Variants in TMEM272 observed in about 807,000 individuals in gnomAD.
TMEM272 encodes the protein long intergenic non-protein coding RNA 282.
A neutral mutation model predicts 3.7 loss-of-function variants in TMEM272; 8 were observed. The observed-to-expected ratio is 2.17, with a 90% CI of 1.27 to 3.91. TMEM272 has a LOEUF of 3.91. Ranked by LOEUF, TMEM272 falls within the 30% of genes most tolerant of loss-of-function variation. TMEM272 has a pLI of 0.00. For synonymous variants in TMEM272, 63 were observed against 39.8 expected, an observed-to-expected ratio of 1.58 and a Z score of -2.20; for missense variants, 166 against 91.5, an observed-to-expected ratio of 1.81 and a Z score of -3.32.
At chr13:51,897,230 T>A in the TMEM272 span, among the ~76,000 whole-genome samples, 1 of 152,172 alleles carries the variant, frequency 6.6e-6, no homozygotes, top group South Asian at 2.1e-4. Flanking sequence ...GTCTTTTTTT[T>A]ATTTTTTGGA....
the TMEM272 span, among the ~76,000 whole-genome samples, chr13:51,869,518 C>T: frequency 1.3e-4 from 19 of 144,690 alleles, no homozygotes; most frequent in South Asian, 4.1e-3. Flanking sequence ...GAGATGGAGT[C>T]TCGCCCTGTC....
the TMEM272 span, chr13:51,865,720 C>T: frequency 1.9e-6 from 3 of 1,614,064 alleles, no homozygotes; most frequent in Non-Finnish European, 2.5e-6. Context: ...AAAAGTCTTT[C>T]AGGGAGGAAG....
the TMEM272 span, among the ~76,000 whole-genome samples, chr13:51,870,510 T>G: frequency 9.5e-5 from 5 of 52,366 alleles, no homozygotes; most frequent in African/African-American, 4.2e-4. Context: ...AGCAAATGCA[T>G]GCACTGGCTT....
At chr13:51,909,298 T>C in the TMEM272 span, 1 of 957,712 alleles carries the variant, frequency 1.0e-6, no homozygotes, top group Non-Finnish European at 1.7e-6. Flanking sequence ...AAAAGAATAG[T>C]TCTCTCAAGT....
chr13:51,900,105 C>T, the TMEM272 span, among the ~76,000 whole-genome samples: 2 of 152,024 alleles, frequency 1.3e-5, no homozygotes, highest in African/African-American at 4.8e-5. Flanking sequence ...GTTTCTTAGA[C>T]ACTGAAATCA....
the TMEM272 span, among the ~76,000 whole-genome samples, chr13:51,860,531 T>G: frequency 6.7e-6 from 1 of 150,146 alleles, no homozygotes; most frequent in Admixed American, 6.7e-5. Context: ...CCCAGCTACT[T>G]GAGAGGCTGA....
At chr13:51,873,575 T>C in the TMEM272 span, among the ~76,000 whole-genome samples, 1 of 152,362 alleles carries the variant, frequency 6.6e-6, no homozygotes, top group Admixed American at 6.5e-5. Flanking sequence ...CCCATCCTTC[T>C]GCTCCAGCCA....
At chr13:51,820,172 G>A (rs1180700742) in intron 4 of TMEM272, among the ~76,000 whole-genome samples, 4 of 152,132 alleles carry the variant, frequency 2.6e-5, no homozygotes, top group African/African-American at 9.7e-5. Context: ...TTCATTTCCT[G>A]ATCTTTTAAT....
chr13:51,880,930 C>A, the TMEM272 span, among the ~76,000 whole-genome samples: 3 of 152,200 alleles, frequency 2.0e-5, no homozygotes, highest in African/African-American at 7.2e-5. Flanking sequence ...CCTGTTCCCC[C>A]AAAAACCTAT....
At chr13:51,889,137 G>A in the TMEM272 span, among the ~76,000 whole-genome samples, 3 of 152,154 alleles carry the variant, frequency 2.0e-5, no homozygotes, top group Non-Finnish European at 4.4e-5. Flanking sequence ...CTAGCTGTGA[G>A]ATAATTTCTT....
the TMEM272 span, chr13:51,861,849 A>G: frequency 6.6e-6 from 1 of 152,416 alleles, no homozygotes; most frequent in African/African-American, 2.4e-5. Context: ...GAAAGCAGCA[A>G]GAGAAGTGAT....
the TMEM272 span, chr13:51,909,480 T>G: frequency 1.1e-6 from 1 of 924,184 alleles, no homozygotes; most frequent in South Asian, 1.3e-5. Flanking sequence ...AGTCATTAAC[T>G]TTCTGTTGAA....
intron 2 of TMEM272, among the ~76,000 whole-genome samples, chr13:51,835,908 G>A (rs146824889): frequency 1.4e-4 from 21 of 152,244 alleles, no homozygotes; most frequent in East Asian, 7.7e-4. Flanking sequence ...TAGTACAGTC[G>A]CAGCTTCTTA....
chr13:51,897,165 A>G, the TMEM272 span, among the ~76,000 whole-genome samples: 3 of 152,214 alleles, frequency 2.0e-5, no homozygotes, highest in South Asian at 6.2e-4. Flanking sequence ...ATCTTTTGAA[A>G]GGCTGAAAGG....
At chr13:51,916,937 T>C in the TMEM272 span, among the ~76,000 whole-genome samples, 1 of 152,202 alleles carries the variant, frequency 6.6e-6, no homozygotes, top group African/African-American at 2.4e-5. Flanking sequence ...AGCTGCGTGA[T>C]CACCTGAGGT....
the TMEM272 span, among the ~76,000 whole-genome samples, chr13:51,913,404 A>T: frequency 6.6e-6 from 1 of 152,226 alleles, no homozygotes; most frequent in African/African-American, 2.4e-5. Context: ...GAAAAGGGCA[A>T]TGCAGCAGAA....
intron 3 of TMEM272, among the ~76,000 whole-genome samples, chr13:51,824,892 G>A (rs1264026977): frequency 1.3e-5 from 2 of 152,234 alleles, no homozygotes; most frequent in East Asian, 3.8e-4. Flanking sequence ...GGCAGAGGGT[G>A]CGGTGAGCCG....
the TMEM272 span, among the ~76,000 whole-genome samples, chr13:51,919,328 G>A: frequency 6.6e-6 from 1 of 152,128 alleles, no homozygotes; most frequent in Non-Finnish European, 1.5e-5. Flanking sequence ...GATTTAACCA[G>A]TGCTGACATT....
intron 1 of TMEM272, among the ~76,000 whole-genome samples, chr13:51,840,593 T>C (rs963982206): frequency 6.6e-6 from 1 of 152,166 alleles, no homozygotes; most frequent in African/African-American, 2.4e-5. Context: ...AGGCAGCGCT[T>C]TGGATTCCAG....
Sources: gnomAD v4.1 joint callset for allele counts (sites outside exome capture counted in the v4.1 genomes callset) on GRCh38, gnomAD v4.1.1 for gene constraint, MANE v1.5 for transcripts, NCBI Gene and HGNC (gene_info 2026-07-23, HGNC 2026-07-21) for gene names.